Variants in OLFM2 observed in about 807,000 individuals in gnomAD.
OLFM2 encodes noelin-2.
OLFM2 carries 20 observed loss-of-function variants against 43.9 expected under a neutral mutation model. The ratio of observed to expected loss-of-function variants is 0.46; its 90% CI spans 0.32 to 0.66. The LOEUF (loss-of-function observed/expected upper bound fraction) is 0.66. OLFM2 is among the 30% of genes least tolerant of loss of function. The pLI is 0.04. For missense variants in OLFM2, 416 were observed against 643.6 expected (o/e 0.65, Z 3.83); for synonymous variants, 268 against 278.6 (o/e 0.96, Z 0.38).
At position 9,872,570 on chromosome 19, in the gene OLFM2, C is replaced by T. The variant is rs577118796; in HGVS notation, c.64-11776G>A. ...CGCGCCATGCTGGAAGCCTGGGAAC[C>T]GCCTGGGGCCTCCCTCAGCCTGAGA... On this transcript the variant is annotated intron_variant, in intron 1 of 5. Transcript: ENST00000264833. Among the ~76,000 whole-genome samples, 14 of 152,098 alleles carry T rather than the reference C, an allele frequency of 9.2e-5. No homozygotes were observed. The South Asian group carries it at 1.2e-3, about 14-fold the overall frequency.
intron 1 of OLFM2, among the ~76,000 whole-genome samples, chr19:9,871,441 T>G (rs1194307349): frequency 6.7e-6 from 1 of 150,032 alleles, no homozygotes; most frequent in Non-Finnish European, 1.5e-5. Context: ...GGTGTGCTGG[T>G]GTGCTACTAT....
At chr19:9,917,535 G>A (rs2086392200) in intron 1 of OLFM2, among the ~76,000 whole-genome samples, 1 of 152,090 alleles carries the variant, frequency 6.6e-6, no homozygotes, top group Non-Finnish European at 1.5e-5. Flanking sequence ...GTGTCTGCTT[G>A]GGGTGGAGGG....
At chr19:9,922,424 C>A (rs141434623) in intron 1 of OLFM2, among the ~76,000 whole-genome samples, 8 of 152,146 alleles carry the variant, frequency 5.3e-5, no homozygotes, top group African/African-American at 1.9e-4. Flanking sequence ...CATCATCAGG[C>A]ACATCACTCA....
chr19:9,875,480 A>G (rs551605675), intron 1 of OLFM2, among the ~76,000 whole-genome samples: 6 of 149,310 alleles, frequency 4.0e-5, no homozygotes, highest in Admixed American at 1.3e-4. Flanking sequence ...GAGCTGGTGC[A>G]GGGGCCTGGC....
At chr19:9,919,184 T>TTTTTTTTTTTTG (rs2086404195) in intron 1 of OLFM2, among the ~76,000 whole-genome samples, 1 of 151,736 alleles carries the variant, frequency 6.6e-6, no homozygotes, top group African/African-American at 2.4e-5. Context: ...CTCTTTTTTT[T>TTTTTTTTTTTTG]GAGATGGAGT....
intron 1 of OLFM2, among the ~76,000 whole-genome samples, chr19:9,906,553 A>G (rs1346853160): frequency 1.3e-5 from 2 of 152,046 alleles, no homozygotes; most frequent in Admixed American, 1.3e-4. Context: ...AGGCTCAGAG[A>G]TTCAGAGATC....
rs545159755 is a variant in OLFM2 at position 9,888,916 on chromosome 19, A to C, written c.64-28122T>G. On this transcript the variant is annotated intron_variant, in intron 1 of 5. Transcript: ENST00000264833. ...CCCGTCTCTACTAAAAATGTAAAAA[A>C]TTAGCCGGGCATGGTGGCGGGTGCC... 9.2e-5 allele frequency among the ~76,000 whole-genome samples: 14 copies of C among 152,102 alleles called. No individual in the cohort carries two copies. In the East Asian group the frequency reaches 2.3e-3, roughly 26 times the overall value.
At position 9,936,413 on chromosome 19, in the gene OLFM2, G is replaced by A; in HGVS notation, c.-47C>T. The A allele has an allele frequency of 8.2e-7, 1 of 1,215,250 alleles. No homozygotes were observed. Among genetic ancestry groups the A allele is most frequent in the Non-Finnish European group, 1.0e-6 (1 of 976,982 alleles). The allele number at this position is 1,215,250 out of a possible 1,614,324, so 75.3% of individuals were successfully genotyped here. ...CCCGACCCCCGCCCGCCCTAGCGGC[G>A]CCTCGGCGCGGGGACCGCCACCAGG... On this transcript the variant is annotated 5_prime_UTR_variant, in exon 1 of 6. Transcript: ENST00000264833.
At chr19:9,861,893 A>G (rs1820100) in intron 1 of OLFM2, among the ~76,000 whole-genome samples, 148,343 of 152,256 alleles carry the variant, frequency 0.97, 72,545 homozygotes, top group Middle Eastern at 1. Flanking sequence ...GGTGGCGGGC[A>G]CCTGTAATCT....
intron 1 of OLFM2, among the ~76,000 whole-genome samples, chr19:9,933,942 A>G (rs2086499852): frequency 6.6e-6 from 1 of 152,180 alleles, no homozygotes; most frequent in Non-Finnish European, 1.5e-5. Context: ...ACACCGTATT[A>G]CATGGTTATT....
intron 1 of OLFM2, chr19:9,913,350 G>T: frequency 2.4e-6 from 1 of 415,916 alleles, no homozygotes; most frequent in Non-Finnish European, 3.4e-6. Flanking sequence ...CTACCCAGGC[G>T]TGCCGGGCAG....
intron 1 of OLFM2, among the ~76,000 whole-genome samples, chr19:9,871,769 C>T (rs954741324): frequency 6.6e-6 from 1 of 152,144 alleles, no homozygotes; most frequent in African/African-American, 2.4e-5. Context: ...CCTGCCTCTA[C>T]CCTGGGAAAG....
At chr19:9,919,581 A>T (rs1324047194) in intron 1 of OLFM2, among the ~76,000 whole-genome samples, 1 of 152,008 alleles carries the variant, frequency 6.6e-6, no homozygotes, top group Non-Finnish European at 1.5e-5. Context: ...CTCTGGGTTC[A>T]AGTGATTCCC....
At position 9,891,708 on chromosome 19, in the gene OLFM2, T is replaced by C. The variant is rs57581480; in HGVS notation, c.64-30914A>G. 9.2e-3 allele frequency among the ~76,000 whole-genome samples: 1,401 copies of C among 152,068 alleles called. 21 individuals are homozygous for C. Among genetic ancestry groups the C allele is most frequent in the African/African-American group, 0.032 (1,343 of 41,470 alleles). ...TAGGCAGAGACCCTGCCAACCCTCA[T>C]GTATCATGAGCAAAAGCTCATTTGG... is the stretch of plus-strand genomic sequence containing the variant. On this transcript the variant is annotated intron_variant, in intron 1 of 5. Coordinates refer to ENST00000264833, the MANE Select transcript of OLFM2 (RefSeq NM_058164.4).
intron 1 of OLFM2, among the ~76,000 whole-genome samples, chr19:9,919,473 T>G (rs1446283271): frequency 2.0e-5 from 3 of 147,214 alleles, no homozygotes; most frequent in African/African-American, 7.6e-5. Context: ...GGCCGAGACC[T>G]CATTTCTTCC....
In OLFM2 at chr19:9,936,374, C is replaced by G; in HGVS notation, c.-8G>C. ...GACCGTGAGCGGCCACATGACGCGC[C>G]CCTAGCCCGGCGTCCCGACCCCCGC... On this transcript the variant is annotated 5_prime_UTR_variant, in exon 1 of 6. Coordinates refer to ENST00000264833, the MANE Select transcript of OLFM2 (RefSeq NM_058164.4). 6.9e-7 allele frequency: 1 copy of G among 1,450,958 alleles called. No homozygotes were observed. Among genetic ancestry groups the G allele is most frequent in the Middle Eastern group, 2.4e-4 (1 of 4,086 alleles). The allele number at this position is 1,450,958 out of a possible 1,614,324, so 89.9% of individuals were successfully genotyped here.
intron 1 of OLFM2, among the ~76,000 whole-genome samples, chr19:9,877,262 G>A (rs1369202810): frequency 6.7e-5 from 10 of 148,862 alleles, no homozygotes; most frequent in Non-Finnish European, 1.3e-4. Flanking sequence ...GGCCAGGTGC[G>A]GTGGCTCACA....
chr19:9,913,550 G>A, intron 1 of OLFM2: 1 of 1,239,552 alleles, frequency 8.1e-7, no homozygotes, highest in Non-Finnish European at 1.0e-6. Context: ...CAGCGTCTGC[G>A]ACATCCAGTT....
chr19:9,923,805 A>T (rs1487823201), intron 1 of OLFM2, among the ~76,000 whole-genome samples: 4 of 151,674 alleles, frequency 2.6e-5, no homozygotes, highest in South Asian at 4.1e-4. Context: ...AATTAAACAA[A>T]TTTTTTTTGT....
Sources: gnomAD v4.1 joint callset for allele counts (sites outside exome capture counted in the v4.1 genomes callset) on GRCh38, gnomAD v4.1.1 for gene constraint, MANE v1.5 for transcripts, NCBI Gene and HGNC (gene_info 2026-07-23, HGNC 2026-07-21) for gene names.